The following MGAT4C variants were observed in gnomAD, a reference collection of about 807,000 sequenced individuals.
The protein encoded by MGAT4C is alpha-1,3-mannosyl-glycoprotein 4-beta-N-acetylglucosaminyltransferase C.
MGAT4C carries 19 observed loss-of-function variants against 40.1 expected under a neutral mutation model. The observed-to-expected ratio is 0.47, with a 90% CI of 0.33 to 0.70. MGAT4C has a LOEUF of 0.70. Among genes scored for constraint, MGAT4C ranks in the 30% least tolerant of loss-of-function variants. The pLI is 0.02. For synonymous variants in MGAT4C, 181 were observed against 187.1 expected (o/e 0.97, Z 0.27); for missense variants, 491 against 563.2 (o/e 0.87, Z 1.30).
chr12:86,261,790 A>G lies in MGAT4C; in HGVS notation c.-57+72275T>C, dbSNP rs528199388. Among the ~76,000 whole-genome samples the G allele has an allele frequency of 7.2e-5, 11 of 152,216 alleles. 1 individual carries two copies. The South Asian group carries it at 2.3e-3, about 32-fold the overall frequency. On this transcript the variant is annotated intron_variant, in intron 4 of 7. Coordinates refer to the MGAT4C transcript ENST00000548651. ...TCTGCCTTGTAAGGAAGTAAGAATT[A>G]CAGTGAAGGGAAGTAAGAATCACAT...
chr12:86,537,290 G>A (rs1959090569), intron 2 of MGAT4C, among the ~76,000 whole-genome samples: 2 of 151,954 alleles, frequency 1.3e-5, no homozygotes, highest in African/African-American at 2.4e-5. Flanking sequence ...GTTAATGGGT[G>A]CAGCACACCA....
chr12:86,254,531 T>C (rs1422486142), intron 1 of MGAT4C, among the ~76,000 whole-genome samples: 2 of 152,096 alleles, frequency 1.3e-5, no homozygotes, highest in African/African-American at 4.8e-5. Context: ...GCTTTTCCCT[T>C]AGTTAAGTTT....
chr12:86,321,674 T>C (rs1463904744), intron 4 of MGAT4C, among the ~76,000 whole-genome samples: 1 of 152,158 alleles, frequency 6.6e-6, no homozygotes, highest in Non-Finnish European at 1.5e-5. Context: ...ACCTGTGAGA[T>C]ACCATCTCAC....
intron 1 of MGAT4C, among the ~76,000 whole-genome samples, chr12:86,743,163 C>T (rs950774901): frequency 6.1e-5 from 8 of 130,390 alleles, no homozygotes; most frequent in Admixed American, 2.3e-4. Flanking sequence ...AGTGTCATTT[C>T]GGGGTCAGTC....
chr12:86,241,136 G>C (rs1351729506), intron 1 of MGAT4C, among the ~76,000 whole-genome samples: 1 of 152,078 alleles, frequency 6.6e-6, no homozygotes, highest in African/African-American at 2.4e-5. Context: ...ATATCCATCT[G>C]TCCCTCACTG....
At position 86,749,166 on chromosome 12, in the gene MGAT4C, G is replaced by A. The variant is rs116843182; in HGVS notation, c.-261-21925C>T. On this transcript the variant is annotated intron_variant, in intron 1 of 7. Coordinates refer to the MGAT4C transcript ENST00000548651. ...AAGAGTAATCAGACATAATTGAATC[G>A]TGGTTTTTCTCAGTAGTTAAATATT... is the stretch of plus-strand genomic sequence containing the variant. 5.7e-3 allele frequency among the ~76,000 whole-genome samples: 863 copies of A among 151,590 alleles called. 3 individuals are homozygous for A. The highest frequency in any genetic ancestry group is 9.0e-3 in the Non-Finnish European group (612 of 67,690).
intron 2 of MGAT4C, among the ~76,000 whole-genome samples, chr12:86,036,922 C>T (rs1289383740): frequency 1.3e-5 from 2 of 149,826 alleles, no homozygotes; most frequent in Non-Finnish European, 3.0e-5. Flanking sequence ...CTGTCTGGTC[C>T]TGGACTTTTT....
At chr12:86,076,975 G>A (rs1274120316) in intron 1 of MGAT4C, among the ~76,000 whole-genome samples, 1 of 152,146 alleles carries the variant, frequency 6.6e-6, no homozygotes, top group Non-Finnish European at 1.5e-5. Flanking sequence ...ATGTAGGCTG[G>A]GAGGCTAGGC....
chr12:86,717,541 A>AT (rs770604959), intron 2 of MGAT4C, among the ~76,000 whole-genome samples: 8 of 152,146 alleles, frequency 5.3e-5, no homozygotes, highest in Admixed American at 2.0e-4. Flanking sequence ...TTGATTAGTG[A>AT]TTTTTTCCTG....
At chr12:86,670,922 G>T (rs1254567569) in intron 2 of MGAT4C, among the ~76,000 whole-genome samples, 1 of 152,056 alleles carries the variant, frequency 6.6e-6, no homozygotes, top group South Asian at 2.1e-4. Flanking sequence ...CTCTATCAAC[G>T]AATGAAACAA....
chr12:86,097,786 T>C (rs187902544), intron 1 of MGAT4C, among the ~76,000 whole-genome samples: 3 of 151,782 alleles, frequency 2.0e-5, no homozygotes, highest in Admixed American at 2.0e-4. Flanking sequence ...AACTAATTTC[T>C]ACAACAATGG....
chr12:86,112,795 G>A (rs867938644), intron 1 of MGAT4C, among the ~76,000 whole-genome samples: 76 of 151,842 alleles, frequency 5.0e-4, no homozygotes, highest in African/African-American at 1.7e-3. Flanking sequence ...GATGGCATTG[G>A]TGAGTGACAA....
intron 1 of MGAT4C, among the ~76,000 whole-genome samples, chr12:86,199,792 C>T (rs560457515): frequency 9.2e-5 from 14 of 152,038 alleles, no homozygotes; most frequent in Non-Finnish European, 1.8e-4. Context: ...TCACTAATGC[C>T]ATATCAAAGA....
chr12:86,344,756 ATG>A (rs375136362), intron 3 of MGAT4C, among the ~76,000 whole-genome samples: 44 of 96,220 alleles, frequency 4.6e-4, no homozygotes, highest in African/African-American at 6.8e-4. Flanking sequence ...GTGTGTGTGT[ATG>A]TGTGTGTGTG....
intron 4 of MGAT4C, among the ~76,000 whole-genome samples, chr12:86,269,096 T>TCA (rs1196274763): frequency 6.9e-6 from 1 of 144,964 alleles, no homozygotes; most frequent in Non-Finnish European, 1.5e-5. Flanking sequence ...TGTGGAGTTT[T>TCA]CACTAACCTC....
chr12:86,778,346 T>C (rs938443531), intron 1 of MGAT4C, among the ~76,000 whole-genome samples: 2 of 152,162 alleles, frequency 1.3e-5, no homozygotes, highest in Non-Finnish European at 2.9e-5. Context: ...TTTAGACAAC[T>C]TGTTTAGATG....
intron 2 of MGAT4C, among the ~76,000 whole-genome samples, chr12:86,526,940 T>A (rs1958895187): frequency 6.6e-6 from 1 of 152,196 alleles, no homozygotes; most frequent in Admixed American, 6.5e-5. Context: ...TCACCCATTG[T>A]CCTGGAGTTG....
At chr12:86,238,052 A>G (rs1532263) in intron 1 of MGAT4C, among the ~76,000 whole-genome samples, 135,782 of 151,932 alleles carry the variant, frequency 0.89, 60,896 homozygotes, top group East Asian at 1. Context: ...TAAGTATAAT[A>G]AGTGAGTTTG....
At chr12:86,017,205 T>A (rs1889174968) in intron 2 of MGAT4C, among the ~76,000 whole-genome samples, 1 of 151,946 alleles carries the variant, frequency 6.6e-6, no homozygotes, top group Non-Finnish European at 1.5e-5. Flanking sequence ...GTGGTTTGAG[T>A]GTGTGTGTGT....
Sources: gnomAD v4.1 joint callset for allele counts (sites outside exome capture counted in the v4.1 genomes callset) on GRCh38, gnomAD v4.1.1 for gene constraint, MANE v1.5 for transcripts, NCBI Gene and HGNC (gene_info 2026-07-23, HGNC 2026-07-21) for gene names.